Variants in PAM observed in about 807,000 individuals in gnomAD.
PAM encodes the protein peptidylglycine alpha-amidating monooxygenase.
PAM carries 72 observed loss-of-function variants against 122.1 expected under a neutral mutation model. That is an observed-to-expected ratio of 0.59 (90% CI 0.49 to 0.72). The LOEUF (loss-of-function observed/expected upper bound fraction) is 0.72. PAM is among the 30% of genes least tolerant of loss of function. PAM has a pLI of 0.00. For synonymous variants in PAM, 389 were observed against 404.4 expected (o/e 0.96, Z 0.46); for missense variants, 1,106 against 1,183.7 (o/e 0.93, Z 0.96).
At chr5:102,916,076 A>G (rs1803002007) in intron 5 of PAM, among the ~76,000 whole-genome samples, 2 of 152,196 alleles carry the variant, frequency 1.3e-5, no homozygotes, top group African/African-American at 4.8e-5. Context: ...GTAGAAGGAA[A>G]GAGCAGTGAA....
At chr5:102,917,844 A>G (rs1213096339) in intron 5 of PAM, among the ~76,000 whole-genome samples, 1 of 152,148 alleles carries the variant, frequency 6.6e-6, no homozygotes, top group East Asian at 1.9e-4. Flanking sequence ...ATTTACAGTT[A>G]TATTAAGTTT....
intron 4 of PAM, among the ~76,000 whole-genome samples, chr5:102,910,800 G>A (rs996265451): frequency 6.6e-6 from 1 of 151,866 alleles, no homozygotes; most frequent in African/African-American, 2.4e-5. Flanking sequence ...TTTGGTGTAT[G>A]ATGGGTGAAA....
intron 18 of PAM, among the ~76,000 whole-genome samples, chr5:103,006,470 G>A (rs1016669813): frequency 6.6e-6 from 1 of 152,112 alleles, no homozygotes; most frequent in African/African-American, 2.4e-5. Context: ...GTATTATCTG[G>A]AGTGCATTGT....
At chr5:102,867,551 G>T (rs1409806732) in intron 3 of PAM, among the ~76,000 whole-genome samples, 158 bp downstream of exon 3, 4 of 152,164 alleles carry the variant, frequency 2.6e-5, no homozygotes, top group African/African-American at 4.8e-5. Context: ...TTTAAAGAGG[G>T]TTAAGTCTTT....
At chr5:103,023,040 T>C (rs2151323140) in intron 23 of PAM, among the ~76,000 whole-genome samples, 1 of 152,272 alleles carries the variant, frequency 6.6e-6, no homozygotes, top group East Asian at 1.9e-4. Context: ...TGTTTAAGTA[T>C]TTTTAGTAGA....
rs1207960365 is a variant in PAM at position 103,028,247 on chromosome 5, A to G, written c.2743+9A>G. 15 of 1,593,278 alleles carry G rather than the reference A, an allele frequency of 9.4e-6. No individual in the cohort carries two copies. Among genetic ancestry groups the G allele is most frequent in the Non-Finnish European group, 1.3e-5 (15 of 1,161,328 alleles). On this transcript the variant is annotated intron_variant, in intron 25 of 25. Coordinates refer to ENST00000438793, the MANE Select transcript of PAM (RefSeq NM_001177306.2). ...ACTGGGAAGATTTAGAGGTATGCCTATGACCTTTTAGAACCCTTCATGTTT... is the reference window on the plus strand; with the variant it reads ...ACTGGGAAGATTTAGAGGTATGCCTGTGACCTTTTAGAACCCTTCATGTTT...
At chr5:102,860,376 G>C (rs1783845812) in intron 1 of PAM, among the ~76,000 whole-genome samples, 1 of 152,202 alleles carries the variant, frequency 6.6e-6, no homozygotes. Flanking sequence ...GCCCAGGTGG[G>C]AGAAGGGGCA....
chr5:102,803,209 A>AAGGAAGGAAGGAAGGAAGGAAG (rs1561487405), intron 1 of PAM, among the ~76,000 whole-genome samples: 2 of 31,180 alleles, frequency 6.4e-5, no homozygotes, highest in Middle Eastern at 0.029. Flanking sequence ...AAGGAAGGAA[A>AAGGAAGGAAGGAAGGAAGGAAG]GAAGGAAGGA....
At chr5:102,986,113 C>A (rs762814682) in intron 15 of PAM, among the ~76,000 whole-genome samples, 5 of 152,118 alleles carry the variant, frequency 3.3e-5, no homozygotes, top group Admixed American at 6.6e-5. Context: ...GTAGAGCAAA[C>A]CCATGGCTGA....
In PAM at chr5:102,949,555, C is replaced by A; in HGVS notation, c.662C>A (p.Ser221Ter). ...AGEKVVNSDI[S>*]CHYKNYPMHV... is the part of the protein sequence containing the mutation. ...CCCACAGTGGTGAATTCTGACATTTCATGCCATTATAAAAATTATCCAATG... is the reference window on the plus strand; with the variant it reads ...CCCACAGTGGTGAATTCTGACATTTAATGCCATTATAAAAATTATCCAATG... The change falls in exon 10 of 26, where the codon TCA (serine) becomes TAA (stop). Residue 221 changes from serine to a stop codon, truncating the protein, a stop_gained. Transcript: ENST00000438793. LOFTEE classifies it high-confidence loss of function. The A allele has an allele frequency of 6.5e-7, 1 of 1,536,354 alleles. No homozygotes were observed. The highest frequency in any genetic ancestry group is 9.0e-7 in the Non-Finnish European group (1 of 1,109,340).
At chr5:102,854,188 A>G (rs1782034894) in intron 1 of PAM, among the ~76,000 whole-genome samples, 1 of 152,248 alleles carries the variant, frequency 6.6e-6, no homozygotes, top group African/African-American at 2.4e-5. Flanking sequence ...AAATGAAATT[A>G]TACATGGAAA....
intron 14 of PAM, among the ~76,000 whole-genome samples, chr5:102,963,587 T>C (rs1432808910): frequency 3.3e-5 from 5 of 151,970 alleles, no homozygotes; most frequent in Non-Finnish European, 5.9e-5. Flanking sequence ...GCCCACATTA[T>C]TGTGGTTGTG....
intron 1 of PAM, among the ~76,000 whole-genome samples, chr5:102,843,056 C>CT (rs776578177): frequency 1.2e-4 from 18 of 152,170 alleles, no homozygotes; most frequent in Non-Finnish European, 2.2e-4. Flanking sequence ...AGTTCTACAG[C>CT]TTGATCAGTG....
rs888716560 is a variant in PAM, at chr5:103,029,587, T to G, written c.*522T>G. The G allele has an allele frequency of 6.5e-5, 10 of 152,690 alleles. No individual in the cohort carries two copies. The highest frequency in any genetic ancestry group is 2.4e-4 in the African/African-American group (10 of 41,478). 9.5% of individuals were successfully genotyped at this position (152,690 alleles called of 1,614,324 possible). A position where few individuals can be genotyped will look rare whatever the true frequency, so the allele number is the denominator to read the frequency against. On this transcript the variant is annotated 3_prime_UTR_variant, in exon 26 of 26. Coordinates refer to ENST00000438793, the MANE Select transcript of PAM (RefSeq NM_001177306.2). ...TGAAGGAAATAAAAAAGTCTCTATTTAAATTCTTTTTTAAATTTTCTTCAG... is the reference window on the plus strand; with the variant it reads ...TGAAGGAAATAAAAAAGTCTCTATTGAAATTCTTTTTTAAATTTTCTTCAG...
At chr5:102,809,163 T>C (rs1767101014) in intron 1 of PAM, among the ~76,000 whole-genome samples, 1 of 151,964 alleles carries the variant, frequency 6.6e-6, no homozygotes, top group Non-Finnish European at 1.5e-5. Flanking sequence ...ATAAAGTTAG[T>C]CTTGCATTTA....
chr5:102,984,939 T>C (rs1771250315), intron 15 of PAM, among the ~76,000 whole-genome samples: 1 of 151,960 alleles, frequency 6.6e-6, no homozygotes. Context: ...CTTTGGAAGC[T>C]GTACAAATAC....
At chr5:102,876,723 G>A (rs548825378) in intron 3 of PAM, among the ~76,000 whole-genome samples, 6 of 152,328 alleles carry the variant, frequency 3.9e-5, no homozygotes, top group East Asian at 1.9e-4. Flanking sequence ...GTTAGTTGGC[G>A]TAAACCCGAT....
chr5:102,758,015 T>A (rs1750987614), intron 1 of PAM, among the ~76,000 whole-genome samples: 1 of 137,416 alleles, frequency 7.3e-6, no homozygotes, highest in Admixed American at 7.5e-5. Flanking sequence ...ACACTCCAAC[T>A]TGGGCCACAG....
At chr5:102,999,993 A>C (rs1164826241) in intron 16 of PAM, among the ~76,000 whole-genome samples, 1 of 152,198 alleles carries the variant, frequency 6.6e-6, no homozygotes, top group East Asian at 1.9e-4. Context: ...GCTGGCTTGA[A>C]TATCTCCTCA....
Sources: gnomAD v4.1 joint callset for allele counts (sites outside exome capture counted in the v4.1 genomes callset) on GRCh38, gnomAD v4.1.1 for gene constraint, MANE v1.5 for transcripts, NCBI Gene and HGNC (gene_info 2026-07-23, HGNC 2026-07-21) for gene names.